The following ELAPOR1 variants were observed in gnomAD, a reference collection of about 807,000 sequenced individuals.
ELAPOR1 encodes endosome/lysosome-associated apoptosis and autophagy regulator 1.
Under a neutral mutation model 119.7 loss-of-function variants are expected in ELAPOR1, and 77 were observed. The observed-to-expected ratio is 0.64, with a 90% CI of 0.54 to 0.78. ELAPOR1 has a LOEUF of 0.78. Among genes scored for constraint, ELAPOR1 ranks in the 30% least tolerant of loss-of-function variants. ELAPOR1 has a pLI of 0.00. For synonymous variants in ELAPOR1, 481 were observed against 487.2 expected (o/e 0.99, Z 0.17); for missense variants, 1,115 against 1,270.4 (o/e 0.88, Z 1.86).
chr1:109,129,144 A>G (rs1263635106), intron 1 of ELAPOR1, among the ~76,000 whole-genome samples: 2 of 152,218 alleles, frequency 1.3e-5, no homozygotes, highest in Non-Finnish European at 2.9e-5. Context: ...TCTGAAATTT[A>G]AAATAAACCC....
At chr1:109,199,825 G>C (rs745406032) in intron 18 of ELAPOR1, 29 bp from the exon 19 acceptor site, 3 of 1,605,654 alleles carry the variant, frequency 1.9e-6, no homozygotes, top group Admixed American at 1.7e-5. Flanking sequence ...CAGCGAGTGA[G>C]AGCTCAGGTC....
rs1322570381 is a variant in ELAPOR1 at position 109,206,759 on chromosome 1, T to G, written c.*3747T>G. 6.6e-6 allele frequency: 1 copy of G among 152,112 alleles called. No individual in the cohort carries two copies. Among genetic ancestry groups the G allele is most frequent in the Admixed American group, 6.5e-5 (1 of 15,268 alleles). The allele number at this position is 152,112 out of a possible 1,614,324, so 9.4% of individuals were successfully genotyped here. On this transcript the variant is annotated 3_prime_UTR_variant, in exon 22 of 22. Transcript: ENST00000369939. The stretch of plus-strand genomic sequence containing the variant: ...TATTGCATGTCACTTTTTTTTTTTG[T>G]AAAATAAAAACATACCTTACAAGTT...
chr1:109,179,054 A>T (rs1652533899), intron 7 of ELAPOR1, among the ~76,000 whole-genome samples: 1 of 151,838 alleles, frequency 6.6e-6, no homozygotes, highest in South Asian at 2.1e-4. Context: ...TAAGATCTGG[A>T]AAGATGAAAG....
At chr1:109,186,204 G>A (rs2101097840) in intron 8 of ELAPOR1, among the ~76,000 whole-genome samples, 1 of 152,172 alleles carries the variant, frequency 6.6e-6, no homozygotes, top group Non-Finnish European at 1.5e-5. Context: ...GAGGAGCCGT[G>A]GAGCTTTCCA....
At chr1:109,197,437 A>G in intron 15 of ELAPOR1, 37 bp from the exon 16 acceptor site, 1 of 1,590,696 alleles carries the variant, frequency 6.3e-7, no homozygotes, top group South Asian at 1.1e-5. Context: ...GTGACCACTC[A>G]CTTCTTCCTA....
At chr1:109,162,476 G>C (rs747769192) in intron 2 of ELAPOR1, among the ~76,000 whole-genome samples, 2 of 152,186 alleles carry the variant, frequency 1.3e-5, no homozygotes, top group Non-Finnish European at 2.9e-5. Flanking sequence ...CACTTCAGGA[G>C]ACAAGAATCT....
At chr1:109,158,110 A>T (rs992401852) in intron 1 of ELAPOR1, among the ~76,000 whole-genome samples, 2 of 151,794 alleles carry the variant, frequency 1.3e-5, no homozygotes, top group African/African-American at 2.4e-5. Context: ...CTGGTCTCAA[A>T]CTCCAGACCT....
At chr1:109,197,448 C>A (rs1458864863) in intron 15 of ELAPOR1, 26 bp from the exon 16 acceptor site, 8 of 1,606,868 alleles carry the variant, frequency 5.0e-6, no homozygotes, top group Non-Finnish European at 6.0e-6. Flanking sequence ...CTTCTTCCTA[C>A]TTCTTCCTCC....
intron 7 of ELAPOR1, among the ~76,000 whole-genome samples, chr1:109,180,123 GACTAAAAGCATCTTTCTC>G (rs1652603568): frequency 1.3e-5 from 2 of 152,142 alleles, no homozygotes; most frequent in African/African-American, 4.8e-5. Flanking sequence ...ACAAAAGCCT[GACTAAAAGCATCTTTCTC>G]ACTGGTCCCT....
chr1:109,190,874 C>T (rs1273718128), intron 11 of ELAPOR1, among the ~76,000 whole-genome samples: 1 of 152,138 alleles, frequency 6.6e-6, no homozygotes, highest in Non-Finnish European at 1.5e-5. Flanking sequence ...GAGACAGCTG[C>T]TGAGTAAATG....
chr1:109,125,890 A>T (rs1215702594), intron 1 of ELAPOR1, among the ~76,000 whole-genome samples: 1 of 152,194 alleles, frequency 6.6e-6, no homozygotes, highest in African/African-American at 2.4e-5. Context: ...ATCCCCGTAC[A>T]TCATTCTTAA....
At chr1:109,184,650 G>A (rs540324167) in intron 7 of ELAPOR1, among the ~76,000 whole-genome samples, 2 of 152,348 alleles carry the variant, frequency 1.3e-5, no homozygotes, top group East Asian at 3.9e-4. Context: ...AAGGCACCTG[G>A]AAGATGGTGA....
At chr1:109,173,907 G>A in intron 7 of ELAPOR1, 70 bp downstream of exon 7, 1 of 1,528,192 alleles carries the variant, frequency 6.5e-7, no homozygotes, top group Non-Finnish European at 9.0e-7. Context: ...GAGATACCAG[G>A]GAATAGAGCC....
chr1:109,132,087 A>G (rs1649182599), intron 1 of ELAPOR1, among the ~76,000 whole-genome samples: 1 of 152,210 alleles, frequency 6.6e-6, no homozygotes, highest in Non-Finnish European at 1.5e-5. Context: ...AAATGGAGCC[A>G]GAGGAACTAA....
In ELAPOR1 at chr1:109,179,201, G is replaced by A. The variant is rs541414590; in HGVS notation, c.952+5364G>A. On this transcript the variant is annotated intron_variant, in intron 7 of 21. Transcript: ENST00000369939. Reference sequence around the variant, plus strand: ...GGATTGACTGAGCTCAGGAGTTTGAGACCAGCCTGGGCAACATGGTGAAAC... The same window carrying A: ...GGATTGACTGAGCTCAGGAGTTTGAAACCAGCCTGGGCAACATGGTGAAAC... Among the ~76,000 whole-genome samples, 13 of 151,970 alleles carry A rather than the reference G, an allele frequency of 8.6e-5. No homozygotes were observed. The East Asian group carries it at 2.5e-3, about 30-fold the overall frequency.
At chr1:109,195,882 C>T (rs1653764661) in intron 15 of ELAPOR1, among the ~76,000 whole-genome samples, 1 of 152,206 alleles carries the variant, frequency 6.6e-6, no homozygotes, top group Admixed American at 6.5e-5. Flanking sequence ...AGAGGCTGGG[C>T]ATGGTGGCTC....
At chr1:109,129,909 G>A (rs1570611049) in intron 1 of ELAPOR1, among the ~76,000 whole-genome samples, 1 of 152,296 alleles carries the variant, frequency 6.6e-6, no homozygotes, top group East Asian at 1.9e-4. Context: ...ATTTCCTTGT[G>A]TTCTGCAAGC....
Position 109,114,218 on chromosome 1 carries a change from C to T in ELAPOR1, c.35C>T (p.Ala12Val), listed in dbSNP as rs766589714. 1 of 1,604,818 alleles carries T rather than the reference C, an allele frequency of 6.2e-7. No individual in the cohort carries two copies. ...CCTGGGCACAGCCACCATCTCTCCG[C>T]CAGAGTCAGGGGAAGAACTGAGAGG... is the stretch of plus-strand genomic sequence containing the variant. Reference protein sequence around the residue: ...AEPGHSHHLSARVRGRTERRI... With the variant: ...AEPGHSHHLSVRVRGRTERRI... Residue 12 changes from alanine to valine, a missense_variant, in exon 1 of 22, where the codon GCC (alanine) becomes GTC (valine). Physicochemically the swap from Ala to Val is moderately conservative, Grantham distance 64. Transcript: ENST00000369939.
chr1:109,141,548 A>C (rs1383538491), intron 1 of ELAPOR1, among the ~76,000 whole-genome samples: 1 of 152,108 alleles, frequency 6.6e-6, no homozygotes, highest in Admixed American at 6.6e-5. Flanking sequence ...GGAGTGAGCC[A>C]CCGCCCAGCC....
Sources: allele counts gnomAD v4.1 joint callset (sites outside exome capture counted in the v4.1 genomes callset), GRCh38; gene constraint gnomAD v4.1.1; transcripts MANE v1.5; gene names NCBI Gene and HGNC (gene_info 2026-07-23, HGNC 2026-07-21).